Variants in NAT10 observed in about 807,000 individuals in gnomAD.
NAT10 encodes RNA cytidine acetyltransferase.
A neutral mutation model predicts 132.2 loss-of-function variants in NAT10; 109 were observed. The observed-to-expected ratio is 0.82, with a 90% CI of 0.71 to 0.97. The LOEUF is 0.97. Among genes scored for constraint, NAT10 ranks in the 50% least tolerant of loss-of-function variants. NAT10 has a pLI of 0.00. For missense variants in NAT10, 1,184 were observed against 1,263.4 expected, an observed-to-expected ratio of 0.94 and a Z score of 0.95; for synonymous variants, 479 against 478.0, an observed-to-expected ratio of 1.00 and a Z score of -0.03.
chr11:34,128,048 A>G (rs1467679289), intron 12 of NAT10, among the ~76,000 whole-genome samples: 2 of 152,140 alleles, frequency 1.3e-5, no homozygotes. Context: ...AAATTAGAAC[A>G]GGTAAGCAAA....
At chr11:34,107,126 CG>C (rs1308471491) in intron 1 of NAT10, 1 of 151,364 alleles carries the variant, frequency 6.6e-6, no homozygotes, top group African/African-American at 2.4e-5. Flanking sequence ...TTCCGCCTAC[CG>C]GATTCAAGTG....
At chr11:34,141,349 A>T (rs1852325577) in intron 25 of NAT10, 141 bp downstream of exon 25, 1 of 1,232,922 alleles carries the variant, frequency 8.1e-7, no homozygotes, top group South Asian at 1.4e-5. Flanking sequence ...ACACACACAA[A>T]TCCAGGACTT....
chr11:34,120,471 C>T (rs769049070), intron 8 of NAT10, among the ~76,000 whole-genome samples: 1 of 152,228 alleles, frequency 6.6e-6, no homozygotes, highest in Non-Finnish European at 1.5e-5. Context: ...TTCTTAGCAT[C>T]ATTGCCTAGG....
intron 28 of NAT10, among the ~76,000 whole-genome samples, chr11:34,144,415 T>G (rs1336873985): frequency 6.6e-6 from 1 of 152,262 alleles, no homozygotes; most frequent in East Asian, 1.9e-4. Flanking sequence ...GTTTTACATT[T>G]ACATTTTTGC....
rs1461902714 is a variant in NAT10 at position 34,105,702 on chromosome 11, A to G, written c.-106A>G. 1 of 152,370 alleles carries G rather than the reference A, an allele frequency of 6.6e-6. No homozygotes were observed. The highest frequency in any genetic ancestry group is 1.5e-5 in the Non-Finnish European group (1 of 68,104). 9.4% of individuals were successfully genotyped at this position (152,370 alleles called of 1,614,324 possible). A position where few individuals can be genotyped will look rare whatever the true frequency, so the allele number is the denominator to read the frequency against. On this transcript the variant is annotated 5_prime_UTR_variant, in exon 1 of 29. Transcript: ENST00000257829. ...CGGACACCAGGCATACGCTAGGGGC[A>G]GTCAGCTGTGCCTTCTCTTTCGGAG...
At chr11:34,122,176 C>G (rs1248348044) in intron 8 of NAT10, among the ~76,000 whole-genome samples, 2 of 151,738 alleles carry the variant, frequency 1.3e-5, no homozygotes, top group Non-Finnish European at 2.9e-5. Context: ...AACTCCATCT[C>G]AGAAGGAAAA....
intron 3 of NAT10, among the ~76,000 whole-genome samples, chr11:34,110,953 G>C (rs939326588): frequency 6.6e-6 from 1 of 152,184 alleles, no homozygotes; most frequent in Admixed American, 6.5e-5. Flanking sequence ...TTGGTATTCT[G>C]TTGTATATAC....
intron 8 of NAT10, among the ~76,000 whole-genome samples, chr11:34,121,533 G>A (rs544369408): frequency 1.3e-5 from 2 of 152,142 alleles, no homozygotes; most frequent in South Asian, 2.1e-4. Context: ...GTACAAATGG[G>A]AATGTACAGG....
chr11:34,108,824 G>C lies in NAT10; in HGVS notation c.191G>C (p.Gly64Ala), dbSNP rs1157989660. ...SVLWCYKKEL[G>A]FSSHRKKRMR... ...CTGTGGTGTTATAAGAAAGAGCTGG[G>C]GTTTAGCAGGTAAGCTGGGCTCTTC... Residue 64 changes from glycine to alanine, a missense_variant, in exon 3 of 29, where the codon GGG becomes GCG. Physicochemically the swap from Gly to Ala is moderately conservative, Grantham distance 60. Transcript: ENST00000257829. 1.2e-6 allele frequency: 2 copies of C among 1,612,762 alleles called. No homozygotes were observed. The highest frequency in any genetic ancestry group is 1.7e-6 in the Non-Finnish European group (2 of 1,179,598).
intron 5 of NAT10, 90 bp from the exon 6 acceptor site, chr11:34,115,733 A>G (rs1851773162): frequency 1.5e-6 from 2 of 1,308,766 alleles, no homozygotes; most frequent in South Asian, 1.3e-5. Context: ...AAGATTGCCC[A>G]TGTCTCCTTG....
At chr11:34,116,584 A>G (rs1457112153) in intron 6 of NAT10, among the ~76,000 whole-genome samples, 2 of 149,840 alleles carry the variant, frequency 1.3e-5, no homozygotes, top group African/African-American at 4.9e-5. Context: ...CACTCGGCTA[A>G]TTTTTTGTAT....
intron 16 of NAT10, among the ~76,000 whole-genome samples, chr11:34,133,559 CTTTTA>C (rs1490855092): frequency 1.3e-5 from 2 of 151,968 alleles, no homozygotes; most frequent in African/African-American, 4.8e-5. Flanking sequence ...TAGTAATCTG[CTTTTA>C]TTTTTAGGCA....
chr11:34,105,833 G>A (rs1590755990), intron 1 of NAT10, 41 bp downstream of exon 1: 1 of 152,482 alleles, frequency 6.6e-6, no homozygotes, highest in East Asian at 1.9e-4. Flanking sequence ...GCCAAGATCG[G>A]TGTCTGTGTT....
intron 11 of NAT10, among the ~76,000 whole-genome samples, chr11:34,125,755 G>C (rs1172096114): frequency 1.3e-5 from 2 of 152,174 alleles, no homozygotes; most frequent in Admixed American, 6.5e-5. Flanking sequence ...TTGAGGTCAG[G>C]AGTTGGAGAC....
At chr11:34,113,085 CTGGGT>C (rs1312733951) in intron 4 of NAT10, among the ~76,000 whole-genome samples, 1 of 152,172 alleles carries the variant, frequency 6.6e-6, no homozygotes. Flanking sequence ...GGGAAATGCC[CTGGGT>C]TATCACTGAT....
At chr11:34,115,087 C>T (rs1020162538) in intron 5 of NAT10, among the ~76,000 whole-genome samples, 5 of 152,122 alleles carry the variant, frequency 3.3e-5, no homozygotes, top group Admixed American at 6.5e-5. Flanking sequence ...ACTCAGGAGG[C>T]GGAGGTTGCG....
chr11:34,111,519 C>T (rs1712968426), intron 3 of NAT10, among the ~76,000 whole-genome samples: 1 of 152,098 alleles, frequency 6.6e-6, no homozygotes, highest in South Asian at 2.1e-4. Flanking sequence ...TTAGAGATGT[C>T]CAGATTCCAT....
chr11:34,136,928 C>T (rs375468419), intron 20 of NAT10, 50 bp from the exon 21 acceptor site: 7 of 1,612,672 alleles, frequency 4.3e-6, no homozygotes, highest in South Asian at 3.3e-5. Flanking sequence ...GTCTATCAGC[C>T]ACTCCCCAGA....
At position 34,142,349 on chromosome 11, in the gene NAT10, G is replaced by A; in HGVS notation, c.2885+1G>A. 1.2e-6 allele frequency: 2 copies of A among 1,613,964 alleles called. No homozygotes were observed. Among genetic ancestry groups the A allele is most frequent in the East Asian group, 2.2e-5 (1 of 44,880 alleles). On this transcript the variant is annotated splice_donor_variant, in intron 27 of 28. Transcript: ENST00000257829. LOFTEE classifies it high-confidence loss of function. ...AGCTGAAGAGCATGGACCTCTCTGA[G>A]TAAGGCTTGTGGGAAGCAGAGGGTT...
Sources: gnomAD v4.1 joint callset for allele counts (sites outside exome capture counted in the v4.1 genomes callset) on GRCh38, gnomAD v4.1.1 for gene constraint, MANE v1.5 for transcripts, NCBI Gene and HGNC (gene_info 2026-07-23, HGNC 2026-07-21) for gene names.